Variants in ARL8B observed in about 807,000 individuals in gnomAD.
The protein encoded by ARL8B is ADP-ribosylation factor-like protein 8B.
A neutral mutation model predicts 30.6 loss-of-function variants in ARL8B; 9 were observed. The observed-to-expected ratio is 0.29, with a 90% CI of 0.18 to 0.51. ARL8B has a LOEUF of 0.51. ARL8B is among the 20% of genes least tolerant of loss of function. The pLI, the probability that ARL8B is intolerant of heterozygous loss-of-function variation, is 0.97. For missense variants in ARL8B, 130 were observed against 227.2 expected, an observed-to-expected ratio of 0.57 and a Z score of 2.75; for synonymous variants, 74 against 76.0, an observed-to-expected ratio of 0.97 and a Z score of 0.14.
intron 1 of ARL8B, among the ~76,000 whole-genome samples, chr3:5,153,939 TC>T (rs536870770): frequency 6.8e-6 from 1 of 146,352 alleles, no homozygotes. Context: ...TTTTTTTTTT[TC>T]CCCCTCCAGC....
chr3:5,154,951 T>C (rs1380971370), intron 1 of ARL8B, among the ~76,000 whole-genome samples: 2 of 152,168 alleles, frequency 1.3e-5, no homozygotes, highest in African/African-American at 2.4e-5. Context: ...GCCAGGCTGG[T>C]CTCGAACTCC....
At chr3:5,161,719 C>T (rs1007301994) in intron 1 of ARL8B, among the ~76,000 whole-genome samples, 2 of 152,160 alleles carry the variant, frequency 1.3e-5, no homozygotes, top group Admixed American at 6.5e-5. Flanking sequence ...GATTTCTTGA[C>T]TCATTTTCAA....
At chr3:5,150,059 A>G (rs1259117569) in intron 1 of ARL8B, among the ~76,000 whole-genome samples, 3 of 152,234 alleles carry the variant, frequency 2.0e-5, no homozygotes, top group Non-Finnish European at 2.9e-5. Flanking sequence ...GAATATTGTG[A>G]GCTACTTTTT....
At chr3:5,141,136 T>G (rs1226563350) in intron 1 of ARL8B, among the ~76,000 whole-genome samples, 3 of 152,190 alleles carry the variant, frequency 2.0e-5, no homozygotes, top group Non-Finnish European at 4.4e-5. Context: ...TTCTCCCCTT[T>G]TAGGGGCTGA....
At chr3:5,171,318 G>A (rs1323649516) in intron 2 of ARL8B, among the ~76,000 whole-genome samples, 3 of 151,972 alleles carry the variant, frequency 2.0e-5, no homozygotes, top group Non-Finnish European at 4.4e-5. Flanking sequence ...AAATGATTAT[G>A]GATGTGGCTT....
At chr3:5,131,119 G>A (rs2054279316) in intron 1 of ARL8B, among the ~76,000 whole-genome samples, 1 of 151,992 alleles carries the variant, frequency 6.6e-6, no homozygotes, top group African/African-American at 2.4e-5. Flanking sequence ...CACCATGTGG[G>A]CCAGGCTGGT....
Position 5,161,436 on chromosome 3 carries a change from A to G in ARL8B, c.124-9067A>G, listed in dbSNP as rs192182959. Among the ~76,000 whole-genome samples, 74 of 152,298 alleles carry G rather than the reference A, an allele frequency of 4.9e-4. No homozygotes were observed. The East Asian group carries it at 6.6e-3, about 14-fold the overall frequency. The stretch of plus-strand genomic sequence containing the variant: ...GCAATGTTTGAGTGGTTTGCAAAAA[A>G]CAGCACAGCAGTTAAGAGTTAAATA... On this transcript the variant is annotated intron_variant, in intron 1 of 6. Transcript: ENST00000256496.
chr3:5,138,767 T>G (rs924932297), intron 1 of ARL8B, among the ~76,000 whole-genome samples: 2 of 152,196 alleles, frequency 1.3e-5, no homozygotes, highest in Non-Finnish European at 2.9e-5. Flanking sequence ...ACCTGAGAAA[T>G]GTACAGTGAC....
intron 6 of ARL8B, among the ~76,000 whole-genome samples, chr3:5,178,072 G>A (rs747369394): frequency 2.0e-5 from 3 of 152,178 alleles, no homozygotes; most frequent in African/African-American, 4.8e-5. Flanking sequence ...AAGAAGTGAG[G>A]ACAAGAATTA....
rs1339767454 is a variant in ARL8B at position 5,172,132 on chromosome 3, C to T, written c.205-18C>T. On this transcript the variant is annotated intron_variant, in intron 2 of 6. Coordinates refer to ENST00000256496, the MANE Select transcript of ARL8B (RefSeq NM_018184.3). ...ATTAAAATATCTTTATTAAGAATTG[C>T]CTTGTTTTGATTTAAAGATCTGGGA... The T allele has an allele frequency of 1.2e-6, 2 of 1,604,528 alleles. No homozygotes were observed. Among genetic ancestry groups the T allele is most frequent in the Admixed American group, 1.7e-5 (1 of 59,346 alleles).
chr3:5,153,312 T>C (rs1253640970), intron 1 of ARL8B, among the ~76,000 whole-genome samples: 1 of 152,168 alleles, frequency 6.6e-6, no homozygotes, highest in Non-Finnish European at 1.5e-5. Context: ...GATTAAATTA[T>C]GGGGCAGATC....
At chr3:5,178,386 T>C (rs1320482288) in intron 6 of ARL8B, among the ~76,000 whole-genome samples, 1 of 151,106 alleles carries the variant, frequency 6.6e-6, no homozygotes, top group Non-Finnish European at 1.5e-5. Context: ...TCCTGGCAAT[T>C]TGCATGCAAC....
chr3:5,142,777 TG>T (rs1328837829), intron 1 of ARL8B, among the ~76,000 whole-genome samples: 3 of 152,190 alleles, frequency 2.0e-5, no homozygotes, highest in South Asian at 2.1e-4. Context: ...AATCACCCTA[TG>T]GGGTCTTTCC....
At position 5,122,385 on chromosome 3, in the gene ARL8B, G is replaced by A. The variant is rs1371695376; in HGVS notation, c.-81G>A. The A allele has an allele frequency of 1.3e-6, 2 of 1,595,268 alleles. No individual in the cohort carries two copies. The highest frequency in any genetic ancestry group is 1.7e-6 in the Non-Finnish European group (2 of 1,172,370). On this transcript the variant is annotated 5_prime_UTR_variant, in exon 1 of 7. Transcript: ENST00000256496. ...GCACCAAGGAGCCGTTGGAGGGTCC[G>A]GGCGGAGGCCCGCTCGTGTGGAAGT...
At chr3:5,158,563 C>T (rs559845352) in intron 1 of ARL8B, among the ~76,000 whole-genome samples, 1 of 152,212 alleles carries the variant, frequency 6.6e-6, no homozygotes. Context: ...GAAGGGCACA[C>T]TGATAGGCAA....
At chr3:5,154,611 C>T (rs1230070964) in intron 1 of ARL8B, among the ~76,000 whole-genome samples, 1 of 152,150 alleles carries the variant, frequency 6.6e-6, no homozygotes, top group African/African-American at 2.4e-5. Context: ...GCAACCATTA[C>T]TGCTATCCAT....
At chr3:5,125,173 T>G (rs916915745) in intron 1 of ARL8B, among the ~76,000 whole-genome samples, 7 of 152,196 alleles carry the variant, frequency 4.6e-5, no homozygotes, top group Admixed American at 6.6e-5. Flanking sequence ...ATGATATGTT[T>G]CTTACAGAGT....
intron 1 of ARL8B, among the ~76,000 whole-genome samples, chr3:5,144,275 ATACTT>A (rs1434486988): frequency 1.3e-5 from 2 of 152,176 alleles, no homozygotes; most frequent in Non-Finnish European, 2.9e-5. Context: ...TCACCAGTAA[ATACTT>A]TAGTTTTCCT....
chr3:5,169,342 T>A (rs947504545), intron 1 of ARL8B, among the ~76,000 whole-genome samples: 15 of 148,778 alleles, frequency 1.0e-4, no homozygotes, highest in South Asian at 4.2e-4. Flanking sequence ...TGTGTGTGTG[T>A]GAGTGTGTGA....
Sources: allele counts gnomAD v4.1 joint callset (sites outside exome capture counted in the v4.1 genomes callset), GRCh38; gene constraint gnomAD v4.1.1; transcripts MANE v1.5; gene names NCBI Gene and HGNC (gene_info 2026-07-23, HGNC 2026-07-21).